Variants in INTS9 observed in about 807,000 individuals in gnomAD.
INTS9 encodes the protein protein related to CPSF subunits of 74 kDa.
A neutral mutation model predicts 79.7 loss-of-function variants in INTS9; 55 were observed. The observed-to-expected ratio is 0.69, with a 90% CI of 0.56 to 0.86. The LOEUF (loss-of-function observed/expected upper bound fraction) is 0.86. INTS9 is among the 40% of genes least tolerant of loss of function. The pLI, the probability that INTS9 is intolerant of heterozygous loss-of-function variation, is 0.00. For missense variants in INTS9, 721 were observed against 831.5 expected (o/e 0.87, Z 1.64); for synonymous variants, 319 against 325.2 (o/e 0.98, Z 0.20).
At position 28,768,014 on chromosome 8, in the gene INTS9, C is replaced by T. The variant is rs1802308135; in HGVS notation, c.*132G>A. 3 of 797,152 alleles carry T rather than the reference C, an allele frequency of 3.8e-6. No individual in the cohort carries two copies. The highest frequency in any genetic ancestry group is 4.9e-5 in the East Asian group (2 of 41,136). The allele number at this position is 797,152 out of a possible 1,614,324, so 49.4% of individuals were successfully genotyped here. A position where few individuals can be genotyped will look rare whatever the true frequency, so the allele number is the denominator to read the frequency against. On this transcript the variant is annotated 3_prime_UTR_variant, in exon 17 of 17. Transcript: ENST00000521022. ...TCCAGACCATTTCCCTCAAGAGCCACCTCTTCACTCCTTAAGCCAGAGGAC... is the reference window on the plus strand; with the variant it reads ...TCCAGACCATTTCCCTCAAGAGCCATCTCTTCACTCCTTAAGCCAGAGGAC...
chr8:28,836,017 C>T, intron 5 of INTS9, among the ~76,000 whole-genome samples: 1 of 152,056 alleles, frequency 6.6e-6, no homozygotes, highest in Non-Finnish European at 1.5e-5. Flanking sequence ...ACTATGTTGG[C>T]CAGGCTGGTC....
At chr8:28,858,842 C>T (rs1262739487) in intron 2 of INTS9, among the ~76,000 whole-genome samples, 1 of 152,202 alleles carries the variant, frequency 6.6e-6, no homozygotes, top group Admixed American at 6.5e-5. Context: ...TTTGCTTCAA[C>T]AAGGTAGCCA....
At chr8:28,815,596 C>G (rs547901710) in intron 6 of INTS9, among the ~76,000 whole-genome samples, 1 of 152,076 alleles carries the variant, frequency 6.6e-6, no homozygotes, top group Admixed American at 6.6e-5. Context: ...CGGAAAAAGT[C>G]TGAAGTCTGA....
chr8:28,880,421 A>G (rs1585531341), intron 1 of INTS9, among the ~76,000 whole-genome samples: 1 of 150,744 alleles, frequency 6.6e-6, no homozygotes, highest in South Asian at 2.1e-4. Context: ...GCCACGCCTG[A>G]CTGGTTTTCG....
intron 1 of INTS9, among the ~76,000 whole-genome samples, chr8:28,881,142 G>A (rs1337281598): frequency 7.2e-6 from 1 of 139,654 alleles, no homozygotes; most frequent in South Asian, 2.3e-4. Flanking sequence ...TCAGCCCCCC[G>A]CCCGGCTGGC....
intron 8 of INTS9, among the ~76,000 whole-genome samples, chr8:28,812,011 T>C (rs1181922459): frequency 6.6e-6 from 1 of 152,206 alleles, no homozygotes; most frequent in Non-Finnish European, 1.5e-5. Context: ...ACTTGACACT[T>C]GGCCCTTGGG....
At chr8:28,838,437 G>A (rs1054114749) in intron 4 of INTS9, among the ~76,000 whole-genome samples, 8 of 151,928 alleles carry the variant, frequency 5.3e-5, no homozygotes, top group African/African-American at 1.9e-4. Flanking sequence ...AGCATGTGAG[G>A]GAAAAGGCTA....
intron 3 of INTS9, 92 bp from the exon 4 acceptor site, chr8:28,846,901 A>G (rs1455193372): frequency 5.2e-6 from 5 of 955,314 alleles, no homozygotes; most frequent in Non-Finnish European, 8.5e-6. Flanking sequence ...CTTTTCATGA[A>G]GAATCATAGA....
At position 28,812,398 on chromosome 8, in the gene INTS9, A is replaced by C. The variant is rs1289966027; in HGVS notation, c.673T>G (p.Trp225Gly). Reference sequence around the variant, plus strand: ...TTCTCGTAATGAGACTGGATGATCCAGTTGGAGCTCCCAAGGGCATAGCCA... The same window carrying C: ...TTCTCGTAATGAGACTGGATGATCCCGTTGGAGCTCCCAAGGGCATAGCCA... The part of the protein sequence containing the change: ...SSGYALGSSN[W>G]IIQSHYEKVS... Residue 225 changes from tryptophan to glycine, a missense_variant, in exon 8 of 17, where the codon TGG (tryptophan) becomes GGG (glycine). Trp to Gly is a radical substitution (Grantham distance 184). Transcript: ENST00000521022. 6.2e-7 allele frequency: 1 copy of C among 1,614,080 alleles called. No individual in the cohort carries two copies. The highest frequency in any genetic ancestry group is 8.5e-7 in the Non-Finnish European group (1 of 1,179,924).
At chr8:28,808,220 GTC>G (rs1804919857) in intron 8 of INTS9, among the ~76,000 whole-genome samples, 2 of 146,230 alleles carry the variant, frequency 1.4e-5, no homozygotes, top group African/African-American at 5.1e-5. Context: ...TTGAGACGGA[GTC>G]TCTCTCTGTT....
At chr8:28,831,251 T>C (rs974106175) in intron 6 of INTS9, among the ~76,000 whole-genome samples, 1 of 152,150 alleles carries the variant, frequency 6.6e-6, no homozygotes, top group Admixed American at 6.5e-5. Flanking sequence ...AAGTGGGAGC[T>C]GAACGAGAAC....
intron 8 of INTS9, among the ~76,000 whole-genome samples, chr8:28,800,236 T>G (rs1804446833): frequency 6.6e-6 from 1 of 152,060 alleles, no homozygotes; most frequent in African/African-American, 2.4e-5. Flanking sequence ...CATGGTCTGG[T>G]AGGAAACGTC....
chr8:28,775,979 T>C, intron 13 of INTS9, 53 bp from the exon 14 acceptor site: 1 of 1,410,352 alleles, frequency 7.1e-7, no homozygotes, highest in African/African-American at 1.5e-5. Flanking sequence ...CAGTGGCCCC[T>C]GTGGAAGGCC....
chr8:28,889,748 C>T, intron 1 of INTS9, 126 bp downstream of exon 1: 2 of 1,053,912 alleles, frequency 1.9e-6, no homozygotes, highest in Non-Finnish European at 2.8e-6. Flanking sequence ...CCTTAGCCCA[C>T]TCCACTTTCC....
At chr8:28,781,600 T>C (rs2130898338) in intron 11 of INTS9, among the ~76,000 whole-genome samples, 1 of 152,282 alleles carries the variant, frequency 6.6e-6, no homozygotes, top group East Asian at 1.9e-4. Flanking sequence ...TGGAATATTA[T>C]TCAGCCCTAA....
intron 11 of INTS9, 44 bp from the exon 12 acceptor site, chr8:28,781,038 G>A (rs372704554): frequency 1.3e-6 from 2 of 1,531,806 alleles, no homozygotes; most frequent in Admixed American, 3.7e-5. Context: ...AGCCTGCCCA[G>A]GCTGAAGGGG....
chr8:28,836,572 C>T (rs1401644096), intron 5 of INTS9, among the ~76,000 whole-genome samples: 3 of 152,216 alleles, frequency 2.0e-5, no homozygotes, highest in South Asian at 2.1e-4. Context: ...CTCCTTCCAT[C>T]TTGAAGGAAG....
chr8:28,858,439 T>C (rs1808288892), intron 2 of INTS9, among the ~76,000 whole-genome samples: 1 of 152,204 alleles, frequency 6.6e-6, no homozygotes, highest in Non-Finnish European at 1.5e-5. Context: ...TATTAGGAAA[T>C]AACCAATTGT....
At chr8:28,811,573 A>T (rs1805148841) in intron 8 of INTS9, among the ~76,000 whole-genome samples, 1 of 152,008 alleles carries the variant, frequency 6.6e-6, no homozygotes, top group Non-Finnish European at 1.5e-5. Flanking sequence ...AGCGTGTGCC[A>T]CCACACCCGG....
Sources: allele counts gnomAD v4.1 joint callset (sites outside exome capture counted in the v4.1 genomes callset), GRCh38; gene constraint gnomAD v4.1.1; transcripts MANE v1.5; gene names NCBI Gene and HGNC (gene_info 2026-07-23, HGNC 2026-07-21).